The following CUL5 variants were observed in gnomAD, a reference collection of about 807,000 sequenced individuals.
The protein encoded by CUL5 is cullin 5.
In CUL5, 26 loss-of-function variants were observed where a neutral mutation model predicts 108.8. That is an observed-to-expected ratio of 0.24 (90% confidence interval 0.18 to 0.33). The LOEUF (loss-of-function observed/expected upper bound fraction) is 0.33, where lower values mean the gene tolerates loss of function less well. CUL5 is among the 10% of genes least tolerant of loss of function. The pLI is 1.00. For synonymous variants in CUL5, 334 were observed against 298.0 expected, an observed-to-expected ratio of 1.12 and a Z score of -1.25; for missense variants, 524 against 909.2, an observed-to-expected ratio of 0.58 and a Z score of 5.45.
chr11:108,088,675 G>T lies in CUL5; in HGVS notation c.1311+16G>T, dbSNP rs751840064. 2 of 1,559,320 alleles carry T rather than the reference G, an allele frequency of 1.3e-6. No individual in the cohort carries two copies. On this transcript the variant is annotated intron_variant, in intron 12 of 18. Coordinates refer to ENST00000393094, the MANE Select transcript of CUL5 (RefSeq NM_003478.6). ...TAAAGAAGTGGTACATGAATTTTTT[G>T]TATTTCAACTTTTAAAATTACCTTA...
At chr11:108,027,656 G>A (rs1016775362) in intron 1 of CUL5, among the ~76,000 whole-genome samples, 2 of 152,008 alleles carry the variant, frequency 1.3e-5, no homozygotes, top group African/African-American at 4.8e-5. Context: ...TGACCCGCCC[G>A]CCTCAGCCTC....
At chr11:108,024,534 A>C (rs1862410344) in intron 1 of CUL5, among the ~76,000 whole-genome samples, 1 of 152,258 alleles carries the variant, frequency 6.6e-6, no homozygotes, top group Admixed American at 6.5e-5. Context: ...CCTAACATGT[A>C]ACAGTCAGAT....
At chr11:108,013,696 G>A (rs1862111746) in intron 1 of CUL5, among the ~76,000 whole-genome samples, 1 of 152,094 alleles carries the variant, frequency 6.6e-6, no homozygotes, top group South Asian at 2.1e-4. Context: ...ACTGAAATAT[G>A]ATTCATACTA....
intron 1 of CUL5, among the ~76,000 whole-genome samples, chr11:108,016,797 CA>C (rs59142867): frequency 1.1e-4 from 16 of 149,690 alleles, no homozygotes; most frequent in Admixed American, 6.7e-4. Flanking sequence ...CAAAAACAAA[CA>C]AAAAAAAACA....
intron 7 of CUL5, among the ~76,000 whole-genome samples, chr11:108,065,170 C>T (rs1006932675): frequency 1.2e-4 from 18 of 152,060 alleles, no homozygotes; most frequent in South Asian, 2.1e-4. Flanking sequence ...GGACTACAGG[C>T]GCCCGCCACC....
intron 2 of CUL5, among the ~76,000 whole-genome samples, chr11:108,038,535 T>G (rs11212491): frequency 0.6 from 90,655 of 151,686 alleles, 28,535 homozygotes; most frequent in East Asian, 0.9. Flanking sequence ...ATTACCTGAG[T>G]GCGGTGGTGG....
intron 13 of CUL5, among the ~76,000 whole-genome samples, chr11:108,093,883 G>A (rs1274467487): frequency 6.6e-6 from 1 of 151,990 alleles, no homozygotes; most frequent in Admixed American, 6.6e-5. Context: ...AAATTTTTTT[G>A]TAGTGATGGG....
At chr11:108,072,992 G>A (rs949492948) in intron 9 of CUL5, among the ~76,000 whole-genome samples, 1 of 152,078 alleles carries the variant, frequency 6.6e-6, no homozygotes, top group Non-Finnish European at 1.5e-5. Context: ...CACAAGGTCA[G>A]GAGATCGAGA....
At chr11:108,096,818 G>A (rs1049487633) in intron 16 of CUL5, among the ~76,000 whole-genome samples, 6 of 151,658 alleles carry the variant, frequency 4.0e-5, no homozygotes, top group African/African-American at 1.2e-4. Context: ...TGCCCGCCTC[G>A]GCCTCCCAAA....
intron 1 of CUL5, among the ~76,000 whole-genome samples, chr11:108,022,411 C>T (rs1316672179): frequency 6.6e-6 from 1 of 152,156 alleles, no homozygotes; most frequent in Non-Finnish European, 1.5e-5. Context: ...TGTATTTCTA[C>T]ACCATTATAT....
At chr11:108,099,821 A>C (rs1864604853) in intron 18 of CUL5, among the ~76,000 whole-genome samples, 1 of 151,972 alleles carries the variant, frequency 6.6e-6, no homozygotes, top group Admixed American at 6.6e-5. Context: ...ACCAGACAGT[A>C]TGTACTTTTA....
chr11:108,058,678 G>A (rs1173925702), intron 7 of CUL5, among the ~76,000 whole-genome samples: 3 of 151,922 alleles, frequency 2.0e-5, no homozygotes, highest in Non-Finnish European at 2.9e-5. Flanking sequence ...AATGATATTG[G>A]AGTTAAGACC....
At chr11:108,054,570 A>G (rs1367442544) in intron 5 of CUL5, 77 bp from the exon 6 acceptor site, 3 of 1,018,734 alleles carry the variant, frequency 2.9e-6, no homozygotes, top group East Asian at 2.6e-5. Flanking sequence ...TGACTCCTCA[A>G]TATTTATTTC....
At chr11:108,050,798 T>G (rs1039978542) in intron 4 of CUL5, among the ~76,000 whole-genome samples, 1 of 152,246 alleles carries the variant, frequency 6.6e-6, no homozygotes, top group Non-Finnish European at 1.5e-5. Context: ...TTTACTTAAC[T>G]CTTCTATTAT....
intron 10 of CUL5, among the ~76,000 whole-genome samples, chr11:108,075,296 G>T (rs1044452340): frequency 6.6e-6 from 1 of 151,902 alleles, no homozygotes; most frequent in Non-Finnish European, 1.5e-5. Context: ...ACTTAATTCT[G>T]CAAGGAAACT....
chr11:108,098,652 A>G (rs1490196777), intron 18 of CUL5, 123 bp downstream of exon 18: 1 of 634,922 alleles, frequency 1.6e-6, no homozygotes. Flanking sequence ...TGGCCCACAC[A>G]TAATCCCAAC....
At chr11:108,048,283 G>A (rs1863115892) in intron 3 of CUL5, among the ~76,000 whole-genome samples, 1 of 151,916 alleles carries the variant, frequency 6.6e-6, no homozygotes, top group Non-Finnish European at 1.5e-5. Flanking sequence ...AAACATAGGT[G>A]GAGTCTTTTT....
At chr11:108,103,809 GA>G (rs1313804140) in intron 18 of CUL5, among the ~76,000 whole-genome samples, 3 of 152,160 alleles carry the variant, frequency 2.0e-5, no homozygotes, top group African/African-American at 7.2e-5. Flanking sequence ...TCTATAGTCA[GA>G]TTTTTTTTAA....
intron 7 of CUL5, among the ~76,000 whole-genome samples, chr11:108,057,852 G>T (rs1863425332): frequency 2.0e-5 from 3 of 152,128 alleles, no homozygotes; most frequent in African/African-American, 4.8e-5. Context: ...TGTTAATGTT[G>T]GGAGAAGTGA....
Sources: gnomAD v4.1 joint callset for allele counts (sites outside exome capture counted in the v4.1 genomes callset) on GRCh38, gnomAD v4.1.1 for gene constraint, MANE v1.5 for transcripts, NCBI Gene and HGNC (gene_info 2026-07-23, HGNC 2026-07-21) for gene names.